The following CNTN4 variants were observed in gnomAD, a reference collection of about 807,000 sequenced individuals.
The protein encoded by CNTN4 is contactin-4.
A neutral mutation model predicts 122.5 loss-of-function variants in CNTN4; 77 were observed. The observed-to-expected ratio is 0.63, with a 90% CI of 0.52 to 0.76. CNTN4 has a LOEUF of 0.76. Among genes scored for constraint, CNTN4 ranks in the 30% least tolerant of loss-of-function variants. The pLI is 0.00. For missense variants in CNTN4, 1,256 were observed against 1,259.1 expected, an observed-to-expected ratio of 1.00 and a Z score of 0.04; for synonymous variants, 512 against 447.0, an observed-to-expected ratio of 1.15 and a Z score of -1.83.
At chr3:3,025,952 C>A in intron 14 of CNTN4, 150 bp from the exon 15 acceptor site, 1 of 741,790 alleles carries the variant, frequency 1.3e-6, no homozygotes, top group Non-Finnish European at 2.3e-6. Flanking sequence ...TCTGAGCTTC[C>A]CAGATGACTG....
chr3:2,116,489 C>T (rs1434233749), intron 2 of CNTN4, among the ~76,000 whole-genome samples: 2 of 152,144 alleles, frequency 1.3e-5, no homozygotes, highest in Non-Finnish European at 2.9e-5. Flanking sequence ...GAATCAGAGT[C>T]TCTGGGAATG....
chr3:2,343,286 C>T (rs565527363), intron 3 of CNTN4, among the ~76,000 whole-genome samples: 13 of 152,166 alleles, frequency 8.5e-5, no homozygotes, highest in South Asian at 2.1e-4. Context: ...ACTGCATTGC[C>T]GATGAAAAAT....
In CNTN4 at chr3:3,034,576, T is replaced by C; in HGVS notation, c.1784-56T>C. 1.9e-6 allele frequency: 3 copies of C among 1,574,316 alleles called. No individual in the cohort carries two copies. The South Asian group carries it at 3.3e-5, about 17-fold the overall frequency. On this transcript the variant is annotated intron_variant, in intron 16 of 24. Coordinates refer to ENST00000418658, the MANE Select transcript of CNTN4 (RefSeq NM_175607.3). The stretch of plus-strand genomic sequence containing the variant: ...ATGCCCCATTCAAGTATGTGGCTCC[T>C]TTACTTGGGTGTTTGAATACACTGC...
intron 3 of CNTN4, among the ~76,000 whole-genome samples, chr3:2,357,515 A>G (rs1015389393): frequency 1.3e-5 from 2 of 152,216 alleles, no homozygotes; most frequent in Non-Finnish European, 2.9e-5. Flanking sequence ...TATTGTAAAC[A>G]TAAACATACA....
intron 2 of CNTN4, among the ~76,000 whole-genome samples, chr3:2,230,982 T>C (rs2039463657): frequency 6.6e-6 from 1 of 152,028 alleles, no homozygotes; most frequent in South Asian, 2.1e-4. Context: ...AGCGAGACTC[T>C]GTTTCAAAAA....
chr3:2,380,658 A>G (rs1406310154), intron 3 of CNTN4, among the ~76,000 whole-genome samples: 1 of 151,950 alleles, frequency 6.6e-6, no homozygotes, highest in Admixed American at 6.6e-5. Flanking sequence ...CAAATTCAGT[A>G]TATCCAGATT....
chr3:3,049,175 A>C (rs890775666), intron 23 of CNTN4, among the ~76,000 whole-genome samples: 1 of 152,146 alleles, frequency 6.6e-6, no homozygotes, highest in Non-Finnish European at 1.5e-5. Context: ...CTCCGCCTCC[A>C]GGGTTCAAGC....
At chr3:2,843,743 A>G (rs967423408) in intron 7 of CNTN4, among the ~76,000 whole-genome samples, 31 of 152,182 alleles carry the variant, frequency 2.0e-4, no homozygotes, top group Non-Finnish European at 2.9e-4. Flanking sequence ...AGGCCTCCCC[A>G]GAAGCGGATA....
At chr3:2,739,323 AC>A (rs1189855272) in intron 5 of CNTN4, among the ~76,000 whole-genome samples, 1 of 152,034 alleles carries the variant, frequency 6.6e-6, no homozygotes, top group African/African-American at 2.4e-5. Flanking sequence ...AAAAAAAAAA[AC>A]ACTCCCTAGT....
At chr3:2,196,619 A>G (rs549923741) in intron 2 of CNTN4, among the ~76,000 whole-genome samples, 1 of 152,294 alleles carries the variant, frequency 6.6e-6, no homozygotes, top group Non-Finnish European at 1.5e-5. Context: ...CGTACCCTAT[A>G]CCAAGCATAA....
intron 2 of CNTN4, among the ~76,000 whole-genome samples, chr3:2,237,298 T>C (rs1184564861): frequency 6.6e-6 from 1 of 151,998 alleles, no homozygotes; most frequent in East Asian, 1.9e-4. Context: ...GAATATCACA[T>C]TGAATTTAAA....
chr3:2,662,304 TCTCA>T (rs2083935607), intron 4 of CNTN4, among the ~76,000 whole-genome samples: 1 of 152,172 alleles, frequency 6.6e-6, no homozygotes, highest in Non-Finnish European at 1.5e-5. Context: ...GAAATTTAGA[TCTCA>T]CTCATATAAG....
intron 6 of CNTN4, among the ~76,000 whole-genome samples, chr3:2,752,676 A>C (rs1376360792): frequency 6.6e-6 from 1 of 152,060 alleles, no homozygotes; most frequent in African/African-American, 2.4e-5. Context: ...AACTGTAGTC[A>C]CCCTGTGGTA....
chr3:2,538,637 G>A (rs1301430461), intron 3 of CNTN4, among the ~76,000 whole-genome samples: 1 of 151,822 alleles, frequency 6.6e-6, no homozygotes, highest in Non-Finnish European at 1.5e-5. Flanking sequence ...GCTATTGATT[G>A]TACTTGTTAA....
chr3:2,668,409 A>G (rs1474475965), intron 4 of CNTN4, among the ~76,000 whole-genome samples: 1 of 152,178 alleles, frequency 6.6e-6, no homozygotes, highest in Non-Finnish European at 1.5e-5. Context: ...TTATTGGTAT[A>G]TAAGAATGCT....
intron 2 of CNTN4, among the ~76,000 whole-genome samples, chr3:2,197,606 G>A (rs2037906639): frequency 1.3e-5 from 2 of 152,098 alleles, no homozygotes; most frequent in African/African-American, 4.8e-5. Flanking sequence ...GTCAGATCTG[G>A]ATTTGAATTT....
intron 2 of CNTN4, among the ~76,000 whole-genome samples, chr3:2,246,805 G>T (rs1395014978): frequency 6.6e-6 from 1 of 151,904 alleles, no homozygotes; most frequent in Admixed American, 6.6e-5. Flanking sequence ...GCATTCAGAG[G>T]TGGGGAAAAG....
At chr3:2,813,945 C>T (rs2092671775) in intron 6 of CNTN4, among the ~76,000 whole-genome samples, 1 of 152,174 alleles carries the variant, frequency 6.6e-6, no homozygotes, top group African/African-American at 2.4e-5. Flanking sequence ...TCCACTCCTC[C>T]AGGAATGTAA....
chr3:2,614,484 G>A (rs948042404), intron 4 of CNTN4, among the ~76,000 whole-genome samples: 2 of 152,208 alleles, frequency 1.3e-5, no homozygotes, highest in Admixed American at 6.5e-5. Context: ...AGTACAATTA[G>A]GCTGTTGTCC....
Sources: allele counts gnomAD v4.1 joint callset (sites outside exome capture counted in the v4.1 genomes callset), GRCh38; gene constraint gnomAD v4.1.1; transcripts MANE v1.5; gene names NCBI Gene and HGNC (gene_info 2026-07-23, HGNC 2026-07-21).